BICD1: variants seen among roughly 807,000 people sequenced by gnomAD.
The protein encoded by BICD1 is protein bicaudal D homolog 1.
Under a neutral mutation model 92.5 loss-of-function variants are expected in BICD1, and 35 were observed. The observed-to-expected ratio is 0.38, with a 90% CI of 0.29 to 0.50. The LOEUF is 0.50. BICD1 is among the 20% of genes least tolerant of loss of function. The pLI is 0.93. For missense variants in BICD1, 950 were observed against 1,189.8 expected (o/e 0.80, Z 2.97); for synonymous variants, 429 against 465.1 (o/e 0.92, Z 1.00).
intron 2 of BICD1, among the ~76,000 whole-genome samples, chr12:32,290,030 G>C (rs1177356342): frequency 6.6e-6 from 1 of 152,160 alleles, no homozygotes; most frequent in Non-Finnish European, 1.5e-5. Context: ...AGTAGGCATA[G>C]GTGAATTACT....
chr12:32,358,085 A>G (rs1939186212), intron 8 of BICD1, among the ~76,000 whole-genome samples: 1 of 152,024 alleles, frequency 6.6e-6, no homozygotes, highest in East Asian at 1.9e-4. Flanking sequence ...TATGACTACC[A>G]ATCTCAGTTG....
chr12:32,158,904 G>T (rs1404504548), intron 1 of BICD1, among the ~76,000 whole-genome samples: 1 of 152,140 alleles, frequency 6.6e-6, no homozygotes, highest in African/African-American at 2.4e-5. Flanking sequence ...GTGAAAGGGG[G>T]GCCAATAACT....
At chr12:32,367,539 C>A in intron 8 of BICD1, 131 bp from the exon 9 acceptor site, 9 of 699,226 alleles carry the variant, frequency 1.3e-5, no homozygotes, top group South Asian at 2.5e-5. Context: ...AAAAAAAAAG[C>A]TGAATCAGGA....
At chr12:32,311,545 G>A (rs967446488) in intron 4 of BICD1, among the ~76,000 whole-genome samples, 3 of 152,086 alleles carry the variant, frequency 2.0e-5, no homozygotes, top group African/African-American at 7.2e-5. Context: ...CAGAAAGGTG[G>A]GACAGCTCAC....
chr12:32,146,171 A>G (rs1943095950), intron 1 of BICD1, among the ~76,000 whole-genome samples: 1 of 151,996 alleles, frequency 6.6e-6, no homozygotes, highest in African/African-American at 2.4e-5. Flanking sequence ...ACAGTTATTT[A>G]TCAGGCATAT....
At chr12:32,331,050 C>T (rs1937842541) in intron 5 of BICD1, among the ~76,000 whole-genome samples, 1 of 152,066 alleles carries the variant, frequency 6.6e-6, no homozygotes, top group Non-Finnish European at 1.5e-5. Context: ...AGGAGAATCA[C>T]TTGAACCCCG....
intron 1 of BICD1, among the ~76,000 whole-genome samples, chr12:32,215,349 T>C (rs1945324930): frequency 6.6e-6 from 1 of 151,896 alleles, no homozygotes; most frequent in African/African-American, 2.4e-5. Flanking sequence ...GTTTAGTTTC[T>C]ACTTTTTTCT....
At chr12:32,316,193 C>G (rs543721808) in intron 4 of BICD1, among the ~76,000 whole-genome samples, 1 of 151,078 alleles carries the variant, frequency 6.6e-6, no homozygotes, top group Non-Finnish European at 1.5e-5. Context: ...TGTAGGCTAA[C>G]GTAAGTGTTC....
intron 2 of BICD1, among the ~76,000 whole-genome samples, chr12:32,283,059 G>A (rs1947462253): frequency 6.6e-6 from 1 of 152,186 alleles, no homozygotes. Context: ...TGAAGGTGGG[G>A]ATAGAAGCCA....
chr12:32,183,090 G>C (rs984414178), intron 1 of BICD1, among the ~76,000 whole-genome samples: 1 of 150,988 alleles, frequency 6.6e-6, no homozygotes, highest in East Asian at 1.9e-4. Flanking sequence ...TTGTAGAGAC[G>C]GAGTCTTGCT....
intron 9 of BICD1, among the ~76,000 whole-genome samples, chr12:32,370,584 G>C (rs991345586): frequency 2.6e-5 from 4 of 152,134 alleles, no homozygotes; most frequent in Non-Finnish European, 5.9e-5. Context: ...ATACCTGAGA[G>C]AGTGAATGAG....
intron 1 of BICD1, among the ~76,000 whole-genome samples, chr12:32,171,021 C>G (rs1388269540): frequency 1.3e-5 from 2 of 152,116 alleles, no homozygotes; most frequent in Non-Finnish European, 2.9e-5. Context: ...TAAAATATAG[C>G]AAAATGATGA....
intron 2 of BICD1, among the ~76,000 whole-genome samples, chr12:32,220,290 A>G (rs574619824): frequency 4.6e-5 from 7 of 152,190 alleles, no homozygotes; most frequent in Non-Finnish European, 7.3e-5. Flanking sequence ...AGAAACTACC[A>G]TCAGAGTGAA....
In BICD1 at chr12:32,377,819, G is replaced by T; in HGVS notation, c.*192G>T. On this transcript the variant is annotated 3_prime_UTR_variant, in exon 10 of 10. Transcript: ENST00000652176. ...ACCCTGATGTGATAAAACATTTTGT[G>T]GTTTCTCTGAGTCACAGATAAACTT... 1 of 479,110 alleles carries T rather than the reference G, an allele frequency of 2.1e-6. No individual in the cohort carries two copies. The highest frequency in any genetic ancestry group is 3.7e-6 in the Non-Finnish European group (1 of 270,776). 29.7% of individuals were successfully genotyped at this position (479,110 alleles called of 1,614,324 possible). A position where few individuals can be genotyped will look rare whatever the true frequency, so the allele number is the denominator to read the frequency against.
At chr12:32,280,078 A>G (rs1181736622) in intron 2 of BICD1, among the ~76,000 whole-genome samples, 1 of 150,128 alleles carries the variant, frequency 6.7e-6, no homozygotes, top group Non-Finnish European at 1.5e-5. Context: ...AGCCTGGGCA[A>G]CAAGAGTGAA....
At chr12:32,156,101 T>A (rs1446578056) in intron 1 of BICD1, among the ~76,000 whole-genome samples, 1 of 152,226 alleles carries the variant, frequency 6.6e-6, no homozygotes, top group Non-Finnish European at 1.5e-5. Context: ...CAGCTGGAAA[T>A]GAAGTAGCAG....
intron 1 of BICD1, among the ~76,000 whole-genome samples, chr12:32,131,145 A>G (rs556277531): frequency 6.6e-6 from 1 of 152,272 alleles, no homozygotes; most frequent in South Asian, 2.1e-4. Context: ...GCTCCGTGAC[A>G]TTTAAATAAA....
intron 2 of BICD1, among the ~76,000 whole-genome samples, chr12:32,263,019 C>A (rs763719585): frequency 6.6e-6 from 1 of 152,060 alleles, no homozygotes; most frequent in Non-Finnish European, 1.5e-5. Flanking sequence ...TGGTGCACGC[C>A]TGTAGTCCCA....
intron 1 of BICD1, among the ~76,000 whole-genome samples, chr12:32,203,955 T>C (rs1944978990): frequency 6.6e-6 from 1 of 152,062 alleles, no homozygotes; most frequent in Admixed American, 6.6e-5. Context: ...CATAAATACT[T>C]GAGGAAGATA....
Sources: gnomAD v4.1 joint callset for allele counts (sites outside exome capture counted in the v4.1 genomes callset) on GRCh38, gnomAD v4.1.1 for gene constraint, MANE v1.5 for transcripts, NCBI Gene and HGNC (gene_info 2026-07-23, HGNC 2026-07-21) for gene names.